The following NEDD1 variants were observed in gnomAD, a reference collection of about 807,000 sequenced individuals.
The protein encoded by NEDD1 is protein NEDD1.
Under a neutral mutation model 74.0 loss-of-function variants are expected in NEDD1, and 33 were observed. The ratio of observed to expected loss-of-function variants is 0.45; its 90% confidence interval spans 0.34 to 0.60. The LOEUF is 0.60. Ranked by LOEUF, NEDD1 falls within the 20% of genes least tolerant of loss-of-function variation. The pLI, the probability that NEDD1 is intolerant of heterozygous loss-of-function variation, is 0.01. For missense variants in NEDD1, 746 were observed against 776.5 expected (o/e 0.96, Z 0.47); for synonymous variants, 250 against 264.4 (o/e 0.95, Z 0.53).
intron 12 of NEDD1, 57 bp from the exon 13 acceptor site, chr12:96,944,582 G>C: frequency 9.3e-7 from 1 of 1,069,782 alleles, no homozygotes; most frequent in Non-Finnish European, 1.3e-6. Context: ...AAAATTATAT[G>C]GGTAATATGA....
intron 6 of NEDD1, among the ~76,000 whole-genome samples, chr12:96,920,786 ATTGTAATCTCT>A (rs1402292619): frequency 6.6e-6 from 1 of 152,170 alleles, no homozygotes; most frequent in Non-Finnish European, 1.5e-5. Context: ...TTTTTACTTA[ATTGTAATCTCT>A]TTGGCCATAA....
At chr12:96,935,720 C>T (rs1425293645) in intron 7 of NEDD1, among the ~76,000 whole-genome samples, 1 of 152,074 alleles carries the variant, frequency 6.6e-6, no homozygotes, top group Admixed American at 6.6e-5. Context: ...CCTGGGAGCA[C>T]CCACTTGAGA....
intron 14 of NEDD1, among the ~76,000 whole-genome samples, chr12:96,946,402 C>T (rs1490923949): frequency 1.3e-5 from 2 of 152,116 alleles, no homozygotes; most frequent in East Asian, 3.8e-4. Context: ...TGGAAGCTAT[C>T]TTCAATTATT....
intron 2 of NEDD1, among the ~76,000 whole-genome samples, chr12:96,909,302 G>A (rs1262483804): frequency 3.9e-5 from 6 of 152,144 alleles, no homozygotes; most frequent in Non-Finnish European, 8.8e-5. Flanking sequence ...AGCCAGGGTG[G>A]TCAGGAAAGG....
intron 3 of NEDD1, among the ~76,000 whole-genome samples, chr12:96,911,116 T>C (rs1240184031): frequency 6.6e-6 from 1 of 152,218 alleles, no homozygotes; most frequent in African/African-American, 2.4e-5. Flanking sequence ...TGAAGGACTT[T>C]CCAGATGTGT....
Position 96,952,271 on chromosome 12 carries a change from G to A in NEDD1, c.*218G>A, listed in dbSNP as rs575225690. ...AGTATGTCATCTACCCAATAGGAAAGTCAACAGGATCTTTATTTTTTGAAA... is the reference window on the plus strand; with the variant it reads ...AGTATGTCATCTACCCAATAGGAAAATCAACAGGATCTTTATTTTTTGAAA... On this transcript the variant is annotated 3_prime_UTR_variant, in exon 16 of 16. Transcript: ENST00000266742. The A allele has an allele frequency of 1.3e-5, 4 of 300,126 alleles. No homozygotes were observed. In the Admixed American group the frequency reaches 1.5e-4, roughly 11 times the overall value. 18.6% of individuals were successfully genotyped at this position (300,126 alleles called of 1,614,324 possible).
intron 2 of NEDD1, among the ~76,000 whole-genome samples, chr12:96,908,922 G>A (rs1489654084): frequency 1.3e-5 from 2 of 152,120 alleles, no homozygotes; most frequent in Non-Finnish European, 2.9e-5. Context: ...CACGCCTGTG[G>A]TCCCAACACT....
chr12:96,934,117 G>A (rs1408768079), intron 6 of NEDD1, among the ~76,000 whole-genome samples: 1 of 152,036 alleles, frequency 6.6e-6, no homozygotes, highest in Non-Finnish European at 1.5e-5. Context: ...TTATGCTTCA[G>A]GTGTTGAATT....
chr12:96,948,646 T>C (rs1878424593), intron 14 of NEDD1, among the ~76,000 whole-genome samples: 1 of 152,206 alleles, frequency 6.6e-6, no homozygotes, highest in Admixed American at 6.5e-5. Flanking sequence ...TGCATCTGTT[T>C]CTGTTGTCTA....
intron 4 of NEDD1, among the ~76,000 whole-genome samples, chr12:96,916,366 T>C (rs1237886125): frequency 7.0e-6 from 1 of 143,446 alleles, no homozygotes; most frequent in African/African-American, 2.6e-5. Flanking sequence ...TAACTCGTCA[T>C]CTAGCATTAG....
intron 12 of NEDD1, 31 bp from the exon 13 acceptor site, chr12:96,944,608 A>G (rs765844321): frequency 2.1e-6 from 3 of 1,420,628 alleles, no homozygotes; most frequent in African/African-American, 2.9e-5. Context: ...AAAATTGTAT[A>G]TTAAAGTCAT....
rs1050517522 is a variant in NEDD1, at chr12:96,943,643, A to C, written c.1378A>C (p.Ser460Arg). The C allele has an allele frequency of 6.2e-7, 1 of 1,610,844 alleles. No individual in the cohort carries two copies. Residue 460 changes from serine (S) to arginine (R), a missense_variant, in exon 12 of 16, where the codon AGT becomes CGT. Physicochemically the swap from Ser to Arg is moderately radical, Grantham distance 110 (BLOSUM62 -1). Around this residue, in one of 3 missense-constraint regions of NEDD1, gnomAD observed 706 missense variants for 706.7 expected, o/e 1.00. Transcript: ENST00000266742. ...VTSSTSVLHSSPLNVFMGSPG... is the reference protein window; with the variant it reads ...VTSSTSVLHSRPLNVFMGSPG... ...TTCAAGTACTTCAGTATTGCATTCT[A>C]GTCCTCTTAATGTTTTTATGGGATC...
At chr12:96,944,578 A>G in intron 12 of NEDD1, 61 bp from the exon 13 acceptor site, 1 of 1,036,854 alleles carries the variant, frequency 9.6e-7, no homozygotes. Context: ...GGCAAAAATT[A>G]TATGGGTAAT....
intron 6 of NEDD1, among the ~76,000 whole-genome samples, chr12:96,922,079 G>A (rs10431438): frequency 0.51 from 77,405 of 152,036 alleles, 20,270 homozygotes; most frequent in African/African-American, 0.62. Context: ...CTTGTTTTGG[G>A]AGGTATTTAG....
rs1230501317 is a variant in NEDD1, at chr12:96,945,760, C to T, written c.1722C>T (p.Ser574=). 6.2e-7 allele frequency: 1 copy of T among 1,607,044 alleles called. No individual in the cohort carries two copies. The highest frequency in any genetic ancestry group is 2.2e-5 in the East Asian group (1 of 44,828). The change falls in exon 14 of 16, where the codon AGC becomes AGT. Residue 574 remains serine, a synonymous_variant. Coordinates refer to ENST00000266742, the MANE Select transcript of NEDD1 (RefSeq NM_152905.4). ...CACTCTCAGAAAAAATAGCCGACAG[C>T]ATTGGAAATAACCGGCAAAATGCAC... The part of the protein sequence containing the change: ...ASSLSEKIAD[S]IGNNRQNAPL...
At chr12:96,935,265 G>C in intron 7 of NEDD1, 60 bp downstream of exon 7, 2 of 1,017,866 alleles carry the variant, frequency 2.0e-6, no homozygotes, top group East Asian at 4.8e-5. Flanking sequence ...CCATTAACAG[G>C]CATATTTGTG....
At chr12:96,921,490 C>T (rs1875088074) in intron 6 of NEDD1, among the ~76,000 whole-genome samples, 1 of 151,984 alleles carries the variant, frequency 6.6e-6, no homozygotes, top group Non-Finnish European at 1.5e-5. Context: ...CAGGGTTAGT[C>T]TTTTTCACGT....
Position 96,945,842 on chromosome 12 carries a change from G to A in NEDD1, c.1804G>A (p.Asp602Asn). The change falls in exon 14 of 16, where the codon GAC becomes AAC. Residue 602 changes from aspartate to asparagine, a missense_variant. By Grantham distance (23) the Asp-to-Asn change is conservative. Transcript: ENST00000266742. ...GAACATGATACAGGAAACGTTGGAT[G>A]ACTTTAGGTAGTAATTGAGAAACTA... ...IQNMIQETLDDFREACHRDIV... is the reference protein window; with the variant it reads ...IQNMIQETLDNFREACHRDIV... 1 of 1,604,924 alleles carries A rather than the reference G, an allele frequency of 6.2e-7. No homozygotes were observed.
At chr12:96,933,455 G>C (rs1201554429) in intron 6 of NEDD1, among the ~76,000 whole-genome samples, 3 of 152,080 alleles carry the variant, frequency 2.0e-5, no homozygotes, top group Non-Finnish European at 4.4e-5. Context: ...CTTTTATATA[G>C]TTAACATTCA....
Sources: allele counts gnomAD v4.1 joint callset (sites outside exome capture counted in the v4.1 genomes callset), GRCh38; gene constraint gnomAD v4.1.1; regional missense constraint gnomAD v4.1.1; transcripts MANE v1.5; gene names NCBI Gene and HGNC (gene_info 2026-07-23, HGNC 2026-07-21).